GPM6A: variants seen among roughly 807,000 people sequenced by gnomAD.
GPM6A encodes neuronal membrane glycoprotein M6-a.
In GPM6A, 7 loss-of-function variants were observed where a neutral mutation model predicts 32.1. That is an observed-to-expected ratio of 0.22 (90% CI 0.12 to 0.41). The LOEUF is 0.41. GPM6A is among the 10% of genes least tolerant of loss of function. The pLI is 1.00. For missense variants in GPM6A, 235 were observed against 347.2 expected, an observed-to-expected ratio of 0.68 and a Z score of 2.57; for synonymous variants, 130 against 123.4, an observed-to-expected ratio of 1.05 and a Z score of -0.35.
rs1579674260 is a variant in GPM6A, at chr4:175,969,771, T to C, written c.-23+32538A>G. Among the ~76,000 whole-genome samples, 5 of 152,264 alleles carry C rather than the reference T, an allele frequency of 3.3e-5. No individual in the cohort carries two copies. The South Asian group carries it at 1.0e-3, about 32-fold the overall frequency. On this transcript the variant is annotated intron_variant, in intron 1 of 7. Transcript: ENST00000280187. ...ATTGACTGATCAGTTACAACAAATG[T>C]ATCGCAACAGGGCAAAATATTAGTA... is the stretch of plus-strand genomic sequence containing the variant.
At chr4:175,713,861 G>A (rs13136968) in intron 1 of GPM6A, among the ~76,000 whole-genome samples, 1 of 152,018 alleles carries the variant, frequency 6.6e-6, no homozygotes, top group Non-Finnish European at 1.5e-5. Context: ...GATAGCGGTT[G>A]TTGGTTTTCC....
intron 1 of GPM6A, among the ~76,000 whole-genome samples, chr4:175,962,713 A>C (rs1358561936): frequency 1.3e-5 from 2 of 152,180 alleles, no homozygotes; most frequent in East Asian, 3.9e-4. Context: ...AGACCAAAAA[A>C]ACCCACACTA....
intron 1 of GPM6A, among the ~76,000 whole-genome samples, chr4:175,723,503 C>T (rs1746247912): frequency 6.6e-6 from 1 of 152,072 alleles, no homozygotes; most frequent in Non-Finnish European, 1.5e-5. Flanking sequence ...GAAAATTCAA[C>T]AGATGCTATA....
chr4:175,639,809 T>A (rs771485335), intron 6 of GPM6A, among the ~76,000 whole-genome samples: 1 of 152,130 alleles, frequency 6.6e-6, no homozygotes, highest in South Asian at 2.1e-4. Flanking sequence ...AATCAAGGAA[T>A]TGATTAGATT....
intron 6 of GPM6A, among the ~76,000 whole-genome samples, chr4:175,635,338 C>T (rs557003774): frequency 6.6e-6 from 1 of 152,240 alleles, no homozygotes; most frequent in African/African-American, 2.4e-5. Flanking sequence ...TAGGATGTTT[C>T]CTGCCCAATG....
intron 2 of GPM6A, among the ~76,000 whole-genome samples, chr4:175,676,236 C>G (rs1743360165): frequency 6.6e-6 from 1 of 152,144 alleles, no homozygotes; most frequent in Admixed American, 6.6e-5. Context: ...TACCCGGTCT[C>G]AGGTATGTCT....
intron 1 of GPM6A, among the ~76,000 whole-genome samples, chr4:175,896,625 G>T (rs1386265857): frequency 1.3e-5 from 2 of 152,112 alleles, no homozygotes; most frequent in Non-Finnish European, 2.9e-5. Flanking sequence ...TCTGTTTTCT[G>T]CTTCTGTTTC....
intron 1 of GPM6A, among the ~76,000 whole-genome samples, chr4:175,846,435 G>T (rs947859999): frequency 6.6e-6 from 1 of 152,052 alleles, no homozygotes; most frequent in African/African-American, 2.4e-5. Flanking sequence ...ATAGAGAGAA[G>T]TCCCCAGAGT....
intron 3 of GPM6A, among the ~76,000 whole-genome samples, chr4:175,663,161 T>C (rs1160057027): frequency 1.3e-5 from 2 of 152,224 alleles, no homozygotes; most frequent in African/African-American, 4.8e-5. Context: ...CTAACCATAC[T>C]GTTGCCATAT....
intron 1 of GPM6A, among the ~76,000 whole-genome samples, chr4:175,987,200 CA>C (rs1483484109): frequency 6.6e-6 from 1 of 152,126 alleles, no homozygotes; most frequent in Non-Finnish European, 1.5e-5. Flanking sequence ...TAGCAAATAG[CA>C]AGTTTAAAAA....
intron 1 of GPM6A, among the ~76,000 whole-genome samples, chr4:175,734,323 C>T (rs1431385171): frequency 1.3e-5 from 2 of 152,040 alleles, no homozygotes; most frequent in Non-Finnish European, 2.9e-5. Context: ...TGGCTCACTA[C>T]TGTCACTTGA....
intron 1 of GPM6A, among the ~76,000 whole-genome samples, chr4:175,895,476 CAA>C (rs1250489761): frequency 6.6e-6 from 1 of 152,044 alleles, no homozygotes; most frequent in Non-Finnish European, 1.5e-5. Flanking sequence ...ACTAACATTT[CAA>C]AAGTGTTACA....
intron 1 of GPM6A, among the ~76,000 whole-genome samples, chr4:175,935,516 C>T (rs1739188812): frequency 6.6e-6 from 1 of 152,056 alleles, no homozygotes; most frequent in Non-Finnish European, 1.5e-5. Context: ...ATTTCTAAAA[C>T]CACTACTGGA....
intron 1 of GPM6A, among the ~76,000 whole-genome samples, chr4:175,821,760 G>A (rs778521840): frequency 1.1e-4 from 16 of 151,838 alleles, no homozygotes; most frequent in Non-Finnish European, 1.9e-4. Flanking sequence ...TGAAGCAAAG[G>A]AACACATTAT....
chr4:175,708,906 A>G (rs1405406277), intron 1 of GPM6A, among the ~76,000 whole-genome samples: 1 of 152,188 alleles, frequency 6.6e-6, no homozygotes, highest in Non-Finnish European at 1.5e-5. Flanking sequence ...TAAAGTTGTA[A>G]TTACCTGCAC....
intron 1 of GPM6A, among the ~76,000 whole-genome samples, chr4:175,906,084 T>C (rs1738123418): frequency 6.6e-6 from 1 of 152,142 alleles, no homozygotes; most frequent in Non-Finnish European, 1.5e-5. Flanking sequence ...GTCATCTTTC[T>C]TATTGTGCTT....
chr4:175,968,233 C>T (rs1293434621), intron 1 of GPM6A, among the ~76,000 whole-genome samples: 7 of 150,500 alleles, frequency 4.7e-5, no homozygotes, highest in Middle Eastern at 3.2e-3. Flanking sequence ...AAAAAAAGAA[C>T]GAATACAGAA....
At chr4:175,963,002 T>C (rs1467415248) in intron 1 of GPM6A, among the ~76,000 whole-genome samples, 2 of 149,934 alleles carry the variant, frequency 1.3e-5, no homozygotes, top group African/African-American at 4.9e-5. Flanking sequence ...GTGCTAGAAA[T>C]CAAAAACAGT....
chr4:175,861,926 T>C (rs1427588112), intron 1 of GPM6A, among the ~76,000 whole-genome samples: 1 of 151,990 alleles, frequency 6.6e-6, no homozygotes, highest in Non-Finnish European at 1.5e-5. Flanking sequence ...GAGGAATAAA[T>C]AAGATGAAAG....
Sources: gnomAD v4.1 joint callset for allele counts (sites outside exome capture counted in the v4.1 genomes callset) on GRCh38, gnomAD v4.1.1 for gene constraint, MANE v1.5 for transcripts, NCBI Gene and HGNC (gene_info 2026-07-23, HGNC 2026-07-21) for gene names.